Variants in TTC29 observed in about 807,000 individuals in gnomAD.
TTC29 encodes tetratricopeptide repeat domain 29.
A neutral mutation model predicts 58.1 loss-of-function variants in TTC29; 49 were observed. The ratio of observed to expected loss-of-function variants is 0.84; its 90% confidence interval spans 0.67 to 1.07. The LOEUF (loss-of-function observed/expected upper bound fraction) is 1.07. TTC29 is among the 50% of genes least tolerant of loss of function. The pLI is 0.00. For synonymous variants in TTC29, 209 were observed against 196.8 expected, an observed-to-expected ratio of 1.06 and a Z score of -0.52; for missense variants, 582 against 555.6, an observed-to-expected ratio of 1.05 and a Z score of -0.48.
At chr4:146,941,256 C>G (rs1424819970) in intron 2 of TTC29, among the ~76,000 whole-genome samples, 1 of 152,196 alleles carries the variant, frequency 6.6e-6, no homozygotes, top group East Asian at 1.9e-4. Flanking sequence ...CTTAGCTTCA[C>G]CAAGAAGCTG....
chr4:146,804,689 C>T (rs567195986), intron 10 of TTC29, among the ~76,000 whole-genome samples: 5 of 152,318 alleles, frequency 3.3e-5, no homozygotes, highest in African/African-American at 4.8e-5. Context: ...CTCTAGATTA[C>T]GCCTCTCTGG....
intron 11 of TTC29, among the ~76,000 whole-genome samples, chr4:146,742,006 T>C (rs1470767541): frequency 6.6e-6 from 1 of 152,146 alleles, no homozygotes; most frequent in Non-Finnish European, 1.5e-5. Flanking sequence ...CTCATTTAAC[T>C]TATTATCCCC....
chr4:146,769,191 A>G (rs1279859262), intron 11 of TTC29, among the ~76,000 whole-genome samples: 1 of 152,016 alleles, frequency 6.6e-6, no homozygotes, highest in African/African-American at 2.4e-5. Flanking sequence ...AATTCTTAGT[A>G]TCGGTGTTTG....
intron 11 of TTC29, among the ~76,000 whole-genome samples, chr4:146,732,012 C>T (rs1744371699): frequency 6.6e-6 from 1 of 152,076 alleles, no homozygotes; most frequent in Non-Finnish European, 1.5e-5. Flanking sequence ...TCATATGACT[C>T]CTATGAGTGA....
intron 8 of TTC29, among the ~76,000 whole-genome samples, chr4:146,859,315 C>CT (rs1730076047): frequency 6.6e-6 from 1 of 152,134 alleles, no homozygotes. Flanking sequence ...CTCAGACATC[C>CT]TCTCTCTTGA....
chr4:146,754,057 T>C (rs1746240203), intron 11 of TTC29, among the ~76,000 whole-genome samples: 2 of 150,734 alleles, frequency 1.3e-5, no homozygotes, highest in South Asian at 4.2e-4. Flanking sequence ...AGTATAATAA[T>C]ACAAAAAAAT....
intron 11 of TTC29, among the ~76,000 whole-genome samples, chr4:146,786,951 C>CA (rs1176159542): frequency 1.4e-3 from 208 of 149,628 alleles, no homozygotes; most frequent in African/African-American, 4.5e-3. Flanking sequence ...CCACCTCTAC[C>CA]AAAAAAAAAG....
chr4:146,750,751 T>A (rs1745919671), intron 11 of TTC29, among the ~76,000 whole-genome samples: 1 of 152,056 alleles, frequency 6.6e-6, no homozygotes, highest in African/African-American at 2.4e-5. Flanking sequence ...AACTTAAGCT[T>A]AGCAATACAG....
At chr4:146,862,165 T>C (rs1403447744) in intron 8 of TTC29, among the ~76,000 whole-genome samples, 3 of 151,958 alleles carry the variant, frequency 2.0e-5, no homozygotes, top group African/African-American at 4.8e-5. Context: ...TTAAAAAATA[T>C]ATGTTGAATA....
At chr4:146,799,065 A>C (rs7674628) in intron 11 of TTC29, among the ~76,000 whole-genome samples, 16,601 of 152,120 alleles carry the variant, frequency 0.11, 1,144 homozygotes, top group Non-Finnish European at 0.16. Flanking sequence ...AAAGCTAATT[A>C]GTGCTCAATA....
chr4:146,799,004 C>A (rs973559447), intron 11 of TTC29, among the ~76,000 whole-genome samples: 13 of 150,294 alleles, frequency 8.6e-5, no homozygotes, highest in African/African-American at 3.2e-4. Flanking sequence ...ATATTTTGAA[C>A]CTCAGGTAAC....
At chr4:146,771,942 A>T (rs904943665) in intron 11 of TTC29, among the ~76,000 whole-genome samples, 8 of 152,292 alleles carry the variant, frequency 5.3e-5, no homozygotes, top group African/African-American at 1.7e-4. Flanking sequence ...AATAATAGCC[A>T]TTCTGACTGG....
chr4:146,831,971 A>G (rs894099332), intron 9 of TTC29, among the ~76,000 whole-genome samples: 12 of 152,164 alleles, frequency 7.9e-5, no homozygotes, highest in African/African-American at 2.9e-4. Flanking sequence ...TATGTTGCCC[A>G]GGTTGGAATC....
intron 6 of TTC29, among the ~76,000 whole-genome samples, chr4:146,880,126 G>A (rs1275947130): frequency 1.3e-5 from 2 of 152,120 alleles, no homozygotes; most frequent in Non-Finnish European, 2.9e-5. Flanking sequence ...AGAGGCTGGG[G>A]ATTGCCCTCC....
At chr4:146,933,247 T>G (rs534931993) in intron 4 of TTC29, among the ~76,000 whole-genome samples, 1 of 152,274 alleles carries the variant, frequency 6.6e-6, no homozygotes, top group East Asian at 1.9e-4. Context: ...GCCCACAATT[T>G]TGAACCAAAT....
intron 11 of TTC29, among the ~76,000 whole-genome samples, chr4:146,767,762 G>A (rs1379736556): frequency 6.6e-6 from 1 of 152,018 alleles, no homozygotes; most frequent in African/African-American, 2.4e-5. Flanking sequence ...CTTCACAGTT[G>A]TAATCAATAA....
chr4:146,818,318 A>C (rs1751565579), intron 10 of TTC29, among the ~76,000 whole-genome samples: 1 of 152,210 alleles, frequency 6.6e-6, no homozygotes, highest in Non-Finnish European at 1.5e-5. Context: ...ATGCAGCCAA[A>C]ATACACATGA....
chr4:146,712,524 T>C (rs1033649629), intron 11 of TTC29, among the ~76,000 whole-genome samples: 72 of 152,070 alleles, frequency 4.7e-4, no homozygotes, highest in Admixed American at 3.5e-3. Flanking sequence ...CAGACACTAA[T>C]TTTGGCCTCA....
intron 3 of TTC29, among the ~76,000 whole-genome samples, chr4:146,939,419 C>T (rs1373807523): frequency 6.6e-6 from 1 of 152,148 alleles, no homozygotes; most frequent in Non-Finnish European, 1.5e-5. Context: ...CACACCACTG[C>T]ACTCCCGCCT....
Sources: gnomAD v4.1 joint callset for allele counts (sites outside exome capture counted in the v4.1 genomes callset) on GRCh38, gnomAD v4.1.1 for gene constraint, MANE v1.5 for transcripts, NCBI Gene and HGNC (gene_info 2026-07-23, HGNC 2026-07-21) for gene names.